RPP30: variants seen among roughly 807,000 people sequenced by gnomAD.
RPP30 encodes the protein ribonuclease P protein subunit p30.
A neutral mutation model predicts 38.6 loss-of-function variants in RPP30; 36 were observed. That is an observed-to-expected ratio of 0.93 (90% CI 0.71 to 1.23). The LOEUF (loss-of-function observed/expected upper bound fraction) is 1.23, where lower values mean the gene tolerates loss of function less well. Among genes scored for constraint, RPP30 ranks in the 50% most tolerant of loss-of-function variants. RPP30 has a pLI of 0.00. For synonymous variants in RPP30, 126 were observed against 112.7 expected, an observed-to-expected ratio of 1.12 and a Z score of -0.75; for missense variants, 321 against 321.7, an observed-to-expected ratio of 1.00 and a Z score of 0.02.
intron 2 of RPP30, among the ~76,000 whole-genome samples, chr10:90,875,244 TA>T (rs1164359023): frequency 5.6e-5 from 8 of 142,678 alleles, no homozygotes; most frequent in African/African-American, 2.3e-4. Context: ...GTCATGGGCT[TA>T]TTAACTACTT....
downstream of RPP30, chr10:90,905,562 A>G (rs1429680940): frequency 2.6e-5 from 4 of 152,240 alleles, no homozygotes; most frequent in African/African-American, 9.6e-5. Context: ...AGTCACTTAC[A>G]CAAGAATCCT....
intron 6 of RPP30, among the ~76,000 whole-genome samples, chr10:90,894,411 T>C (rs1426193850): frequency 6.6e-6 from 1 of 152,210 alleles, no homozygotes; most frequent in Non-Finnish European, 1.5e-5. Flanking sequence ...ACTATGTTTG[T>C]ATACAGTTTA....
intron 5 of RPP30, among the ~76,000 whole-genome samples, chr10:90,883,096 C>T (rs1000080805): frequency 6.6e-5 from 10 of 152,076 alleles, no homozygotes; most frequent in African/African-American, 2.4e-4. Context: ...TGTTGATGGG[C>T]ATCTCTCTTT....
chr10:90,888,753 C>T (rs1009285560), intron 6 of RPP30, among the ~76,000 whole-genome samples: 16 of 152,076 alleles, frequency 1.1e-4, no homozygotes, highest in Admixed American at 8.5e-4. Flanking sequence ...AAGCTCCTTT[C>T]GTTTGATGGG....
intron 5 of RPP30, among the ~76,000 whole-genome samples, chr10:90,885,493 T>C (rs1407652307): frequency 6.6e-6 from 1 of 152,220 alleles, no homozygotes; most frequent in Non-Finnish European, 1.5e-5. Flanking sequence ...CAGTCTGAAG[T>C]AACCTTCCAG....
chr10:90,878,042 C>T lies in RPP30; in HGVS notation c.271-1021C>T, dbSNP rs116669768. Reference sequence around the variant, plus strand: ...CACCTGCAAGGCAGCATTCTGGTTCCTTAGGCCCAGGTAGACATAAATGGA... The same window carrying T: ...CACCTGCAAGGCAGCATTCTGGTTCTTTAGGCCCAGGTAGACATAAATGGA... On this transcript the variant is annotated intron_variant, in intron 4 of 10. Transcript: ENST00000371703. Among the ~76,000 whole-genome samples the T allele has an allele frequency of 1.0e-3, 155 of 152,294 alleles. 1 individual carries two copies. Among genetic ancestry groups the T allele is most frequent in the Middle Eastern group, 3.4e-3 (1 of 294 alleles).
chr10:90,897,782 A>T (rs1847157682), intron 10 of RPP30, among the ~76,000 whole-genome samples: 1 of 151,276 alleles, frequency 6.6e-6, no homozygotes, highest in Non-Finnish European at 1.5e-5. Flanking sequence ...TATGTAAAGT[A>T]TTTTTTTTTA....
chr10:90,895,245 A>T (rs993228032), intron 7 of RPP30: 1 of 490,798 alleles, frequency 2.0e-6, no homozygotes, highest in Admixed American at 4.1e-5. Context: ...AAGATCTGTT[A>T]GGAAAACATA....
chr10:90,877,958 C>T (rs1055627001), intron 4 of RPP30, among the ~76,000 whole-genome samples: 3 of 152,200 alleles, frequency 2.0e-5, no homozygotes, highest in Admixed American at 6.5e-5. Context: ...GAAAGACTCC[C>T]TTTATAACAG....
chr10:90,885,944 C>T (rs753622009), intron 6 of RPP30, 43 bp downstream of exon 6: 1 of 1,247,494 alleles, frequency 8.0e-7, no homozygotes, highest in South Asian at 1.3e-5. Flanking sequence ...TAGAAACTTA[C>T]ATTAGCAAAT....
intron 1 of RPP30, among the ~76,000 whole-genome samples, chr10:90,873,730 A>G (rs1278327027): frequency 2.0e-5 from 3 of 152,132 alleles, no homozygotes; most frequent in Non-Finnish European, 4.4e-5. Flanking sequence ...GGAGTGTGGT[A>G]AAGAAGAATA....
intron 1 of RPP30, among the ~76,000 whole-genome samples, chr10:90,873,168 C>T (rs753527119): frequency 9.9e-5 from 15 of 152,140 alleles, no homozygotes; most frequent in Non-Finnish European, 1.9e-4. Flanking sequence ...TCTGCAGGCA[C>T]CAGTACATGG....
At chr10:90,897,863 G>GCAATA (rs1367516916) in intron 10 of RPP30, among the ~76,000 whole-genome samples, 2 of 152,074 alleles carry the variant, frequency 1.3e-5, no homozygotes, top group Non-Finnish European at 2.9e-5. Flanking sequence ...ATATAGGCAT[G>GCAATA]CAATGCATAA....
intron 6 of RPP30, among the ~76,000 whole-genome samples, chr10:90,887,364 C>G (rs1564712952): frequency 6.6e-6 from 1 of 151,764 alleles, no homozygotes; most frequent in Non-Finnish European, 1.5e-5. Flanking sequence ...AAGGGAAAAA[C>G]ATAAAAGCTC....
intron 5 of RPP30, among the ~76,000 whole-genome samples, chr10:90,881,507 C>T (rs1001045737): frequency 6.6e-6 from 1 of 152,168 alleles, no homozygotes; most frequent in Non-Finnish European, 1.5e-5. Context: ...GAAGAAAGCA[C>T]AAAGTATTGA....
At chr10:90,885,754 C>G in intron 5 of RPP30, 58 bp from the exon 6 acceptor site, 1 of 1,033,748 alleles carries the variant, frequency 9.7e-7, no homozygotes, top group Non-Finnish European at 1.5e-6. Context: ...ACCCTATCTC[C>G]CATTCTTACT....
At chr10:90,877,662 C>T (rs1846870406) in intron 4 of RPP30, among the ~76,000 whole-genome samples, 1 of 151,992 alleles carries the variant, frequency 6.6e-6, no homozygotes, top group Admixed American at 6.6e-5. Context: ...TGTGACAGTC[C>T]TTGGCTGCCT....
chr10:90,896,839 C>T (rs1206238564), intron 10 of RPP30, among the ~76,000 whole-genome samples: 1 of 152,178 alleles, frequency 6.6e-6, no homozygotes, highest in East Asian at 1.9e-4. Flanking sequence ...GTAACTTTTA[C>T]ATTTATTATA....
At chr10:90,897,525 G>A (rs898204399) in intron 10 of RPP30, among the ~76,000 whole-genome samples, 10 of 152,146 alleles carry the variant, frequency 6.6e-5, no homozygotes, top group Admixed American at 6.5e-4. Context: ...TCAAATTAAT[G>A]GAGATTTTGA....
Sources: allele counts gnomAD v4.1 joint callset (sites outside exome capture counted in the v4.1 genomes callset), GRCh38; gene constraint gnomAD v4.1.1; transcripts MANE v1.5; gene names NCBI Gene and HGNC (gene_info 2026-07-23, HGNC 2026-07-21).